CTR9: variants seen among roughly 807,000 people sequenced by gnomAD.
The protein encoded by CTR9 is CTR9 component of Paf1/RNA polymerase II complex, also known as RNA polymerase-associated protein CTR9 homolog.
A neutral mutation model predicts 152.1 loss-of-function variants in CTR9; 41 were observed. The observed-to-expected ratio is 0.27, with a 90% CI of 0.21 to 0.35. The LOEUF (loss-of-function observed/expected upper bound fraction) is 0.35. CTR9 is among the 10% of genes least tolerant of loss of function. The probability of loss-of-function intolerance (pLI) is 1.00; values close to 1 mark genes in which losing one functional copy is unlikely to be tolerated. For missense variants in CTR9, 917 were observed against 1,424.4 expected, an observed-to-expected ratio of 0.64 and a Z score of 5.73; for synonymous variants, 476 against 496.2, an observed-to-expected ratio of 0.96 and a Z score of 0.54.
intron 18 of CTR9, 124 bp from the exon 19 acceptor site, chr11:10,771,421 T>C: frequency 1.7e-6 from 1 of 603,468 alleles, no homozygotes; most frequent in Middle Eastern, 4.7e-4. Context: ...TGGCATAAAT[T>C]TGTGTAAATC....
At chr11:10,762,144 G>A (rs1862988166) in intron 7 of CTR9, 90 bp downstream of exon 7, 1 of 827,738 alleles carries the variant, frequency 1.2e-6, no homozygotes, top group African/African-American at 1.7e-5. Context: ...AAAGAAATTT[G>A]AAAATGTCAG....
chr11:10,751,263 C>G lies in CTR9; in HGVS notation c.-150C>G, dbSNP rs1564963321. 1 of 757,946 alleles carries G rather than the reference C, an allele frequency of 1.3e-6. No individual in the cohort carries two copies. Among genetic ancestry groups the G allele is most frequent in the Admixed American group, 2.5e-5 (1 of 40,698 alleles). The allele number at this position is 757,946 out of a possible 1,614,324, so 47.0% of individuals were successfully genotyped here. A position where few individuals can be genotyped will look rare whatever the true frequency, so the allele number is the denominator to read the frequency against. ...CGCTGCTCGTTGTTTAAGCGGCTGA[C>G]GGGAAGGAGAAGCCAGAGCTCCAGC... On this transcript the variant is annotated 5_prime_UTR_variant, in exon 1 of 25. Transcript: ENST00000361367.
Position 10,778,939 on chromosome 11 carries a change from A to G in CTR9, c.3356A>G (p.Asn1119Ser), listed in dbSNP as rs375010070. 23 of 1,614,078 alleles carry G rather than the reference A, an allele frequency of 1.4e-5. No individual in the cohort carries two copies. The highest frequency in any genetic ancestry group is 2.7e-5 in the African/African-American group (2 of 74,938). ...SGRSHSGVSE[N>S]DSRPASPSAE... ...AGAAGCCACTCAGGAGTTTCTGAGA[A>G]CGACTCTCGCCCAGCTTCTCCAAGT... The change falls in exon 25 of 25, where the codon AAC becomes AGC. Residue 1119 changes from asparagine (N) to serine (S), a missense_variant. Physicochemically the swap from Asn to Ser is conservative, Grantham distance 46. Transcript: ENST00000361367.
In CTR9 at chr11:10,764,537, C is replaced by G. The variant is rs774428823; in HGVS notation, c.1414-11C>G. 13 of 1,602,540 alleles carry G rather than the reference C, an allele frequency of 8.1e-6. No individual in the cohort carries two copies. Among genetic ancestry groups the G allele is most frequent in the Non-Finnish European group, 1.0e-5 (12 of 1,172,136 alleles). ...TAAATCTTTTAACAGTGTGATTTTT[C>G]TTTCTCATAGAAATATTTTTTGGCG... On this transcript the variant is annotated splice_polypyrimidine_tract_variant and intron_variant, in intron 11 of 24. Coordinates refer to ENST00000361367, the MANE Select transcript of CTR9 (RefSeq NM_014633.5).
At chr11:10,751,535 C>G (rs1862801674) in intron 1 of CTR9, 78 bp downstream of exon 1, 3 of 1,416,010 alleles carry the variant, frequency 2.1e-6, no homozygotes, top group Non-Finnish European at 3.0e-6. Context: ...GACTTCGTTT[C>G]TGAAGCGAGA....
chr11:10,751,312 A>G lies in CTR9; in HGVS notation c.-101A>G, dbSNP rs1862795933. 1 of 1,286,300 alleles carries G rather than the reference A, an allele frequency of 7.8e-7. No individual in the cohort carries two copies. Among genetic ancestry groups the G allele is most frequent in the Non-Finnish European group, 1.1e-6 (1 of 892,382 alleles). 79.7% of individuals were successfully genotyped at this position (1,286,300 alleles called of 1,614,324 possible). The stretch of plus-strand genomic sequence containing the variant: ...GCGGCGCCGCGGGGCGGCAGTCAAG[A>G]CCAGAGCCGGAGCCGTCACTCACCT... On this transcript the variant is annotated 5_prime_UTR_variant, in exon 1 of 25. Transcript: ENST00000361367.
At chr11:10,768,972 G>GGGAGGCTGA (rs1863101015) in intron 16 of CTR9, among the ~76,000 whole-genome samples, 1 of 152,098 alleles carries the variant, frequency 6.6e-6, no homozygotes, top group South Asian at 2.1e-4. Context: ...CCAGCACTTT[G>GGGAGGCTGA]GGAGGCTGAG....
intron 20 of CTR9, among the ~76,000 whole-genome samples, 183 bp downstream of exon 20, chr11:10,772,838 C>A (rs1863165802): frequency 6.6e-6 from 1 of 152,058 alleles, no homozygotes; most frequent in South Asian, 2.1e-4. Flanking sequence ...ACCAGCCTGG[C>A]CAACATGGTG....
intron 5 of CTR9, among the ~76,000 whole-genome samples, chr11:10,757,755 A>G (rs1862909013): frequency 6.6e-6 from 1 of 152,194 alleles, no homozygotes; most frequent in Admixed American, 6.5e-5. Context: ...TCCTGCCCTC[A>G]TGGAGTCCAG....
chr11:10,770,777 C>G (rs1863131438), intron 18 of CTR9, 145 bp downstream of exon 18: 1 of 740,378 alleles, frequency 1.4e-6, no homozygotes, highest in Non-Finnish European at 2.0e-6. Flanking sequence ...TAAAGGTGGT[C>G]TATTAGAATC....
chr11:10,757,117 T>G (rs1290481341), intron 5 of CTR9, among the ~76,000 whole-genome samples: 1 of 151,376 alleles, frequency 6.6e-6, no homozygotes, highest in East Asian at 2.0e-4. Context: ...AGACCCTGTC[T>G]CTACAAAAAA....
chr11:10,775,236 A>C lies in CTR9; in HGVS notation c.2915A>C (p.Asp972Ala). Residue 972 changes from aspartate (D) to alanine (A), a missense_variant, in exon 23 of 25, where the codon GAT becomes GCT. Physicochemically the swap from Asp to Ala is moderately radical, Grantham distance 126. Around this residue, in one of 9 missense-constraint regions of CTR9, gnomAD observed 384 missense variants for 398.4 expected, o/e 0.96. Transcript: ENST00000361367. ...RHPKGEEGSD[D>A]DETENGPKPK... is the part of the protein sequence containing the mutation. ...CCAAAGGGAGAAGAAGGATCTGATG[A>C]TGATGAAACAGAAAATGGCCCCAAA... is the stretch of plus-strand genomic sequence containing the variant. The C allele has an allele frequency of 6.2e-7, 1 of 1,613,950 alleles. No individual in the cohort carries two copies. Among genetic ancestry groups the C allele is most frequent in the Non-Finnish European group, 8.5e-7 (1 of 1,179,928 alleles).
intron 6 of CTR9, among the ~76,000 whole-genome samples, chr11:10,761,287 C>G (rs777119219): frequency 7.3e-6 from 1 of 137,652 alleles, no homozygotes; most frequent in Non-Finnish European, 1.6e-5. Flanking sequence ...ATTCATCCCC[C>G]GGGCCTGGGG....
intron 4 of CTR9, among the ~76,000 whole-genome samples, chr11:10,756,262 CTT>C (rs1405075904): frequency 1.3e-5 from 2 of 152,256 alleles, no homozygotes; most frequent in African/African-American, 4.8e-5. Flanking sequence ...ATTTTTTAAA[CTT>C]TTATTGAAGT....
chr11:10,754,116 T>G (rs1391048122), intron 2 of CTR9, among the ~76,000 whole-genome samples: 1 of 152,208 alleles, frequency 6.6e-6, no homozygotes, highest in East Asian at 1.9e-4. Flanking sequence ...CAAGCCATCC[T>G]GCCACTACAG....
In CTR9 at chr11:10,760,240, A is replaced by G. The variant is rs772174668; in HGVS notation, c.660A>G (p.Ala220=). Residue 220 remains alanine, a synonymous_variant, in exon 6 of 25, where the codon GCA becomes GCG. Coordinates refer to ENST00000361367, the MANE Select transcript of CTR9 (RefSeq NM_014633.5). The part of the protein sequence containing the change: ...KLNKLEKARL[A]FSRALELNSK... The stretch of plus-strand genomic sequence containing the variant: ...ACAAACTGGAAAAAGCTCGTCTGGC[A>G]TTCAGCAGAGCCCTGGAACTCAATT... The G allele has an allele frequency of 2.5e-6, 4 of 1,614,112 alleles. No homozygotes were observed. Among genetic ancestry groups the G allele is most frequent in the Non-Finnish European group, 3.4e-6 (4 of 1,179,962 alleles).
At position 10,770,533 on chromosome 11, in the gene CTR9, C is replaced by G; in HGVS notation, c.2273C>G (p.Ala758Gly). 5.0e-6 allele frequency: 8 copies of G among 1,613,924 alleles called. No homozygotes were observed. The highest frequency in any genetic ancestry group is 1.3e-5 in the African/African-American group (1 of 75,026). Reference protein sequence around the residue: ...PSDTVLMFNVALVLQRLATSV... With the variant: ...PSDTVLMFNVGLVLQRLATSV... ...GATACAGTTCTTATGTTTAATGTGG[C>G]CTTGGTCCTGCAAAGATTAGCTACC... The change falls in exon 18 of 25, where the codon GCC (alanine) becomes GGC (glycine). Residue 758 changes from alanine to glycine, a missense_variant. Physicochemically the swap from Ala to Gly is moderately conservative, Grantham distance 60. Coordinates refer to ENST00000361367, the MANE Select transcript of CTR9 (RefSeq NM_014633.5).
At chr11:10,776,525 G>A (rs1393080332) in intron 24 of CTR9, among the ~76,000 whole-genome samples, 1 of 152,104 alleles carries the variant, frequency 6.6e-6, no homozygotes, top group Non-Finnish European at 1.5e-5. Context: ...GTGTTCTTCT[G>A]TAGCCATCAT....
Position 10,751,580 on chromosome 11 carries a change from C to A in CTR9, c.45+123C>A, listed in dbSNP as rs1158447549. On this transcript the variant is annotated intron_variant, in intron 1 of 24. Transcript: ENST00000361367. ...TTCCCTAAGAGCCCTGATCGAAATA[C>A]CTGGCCAAGGTCTGATCATCATCTT... The A allele has an allele frequency of 1.2e-5, 11 of 946,032 alleles. No homozygotes were observed. The Admixed American group carries it at 1.2e-4, about 10-fold the overall frequency. The allele number at this position is 946,032 out of a possible 1,614,324, so 58.6% of individuals were successfully genotyped here.
Sources: gnomAD v4.1 joint callset for allele counts (sites outside exome capture counted in the v4.1 genomes callset) on GRCh38, gnomAD v4.1.1 for gene constraint, gnomAD v4.1.1 regional missense constraint, MANE v1.5 for transcripts, NCBI Gene and HGNC (gene_info 2026-07-23, HGNC 2026-07-21) for gene names.